Variants in WDR24 observed in about 807,000 individuals in gnomAD.
The protein encoded by WDR24 is GATOR2 complex protein WDR24.
Under a neutral mutation model 66.7 loss-of-function variants are expected in WDR24, and 32 were observed. The observed-to-expected ratio is 0.48, with a 90% CI of 0.36 to 0.64. The LOEUF (loss-of-function observed/expected upper bound fraction) is 0.64. WDR24 is among the 30% of genes least tolerant of loss of function. The pLI is 0.00. For synonymous variants in WDR24, 565 were observed against 469.1 expected (o/e 1.20, Z -2.64); for missense variants, 978 against 1,144.1 (o/e 0.85, Z 2.09).
rs902745791 is a variant in WDR24 at position 690,100 on chromosome 16, AAG to A, written c.-462_-461del. The A allele has an allele frequency of 5.9e-5, 27 of 459,576 alleles. No individual in the cohort carries two copies. Among genetic ancestry groups the A allele is most frequent in the African/African-American group, 4.0e-4 (20 of 50,338 alleles). The allele number at this position is 459,576 out of a possible 1,614,324, so 28.5% of individuals were successfully genotyped here. A position where few individuals can be genotyped will look rare whatever the true frequency, so the allele number is the denominator to read the frequency against. ...GCGGCGGGGCTCTAGGGAGGAACAA[AAG>A]AGGGGAGGGAACAGAGGGCTAGAGG... On this transcript the variant is annotated 5_prime_UTR_variant, in exon 1 of 9. Transcript: ENST00000293883.
Position 689,713 on chromosome 16 carries a change from A to C in WDR24, c.-73T>G. 6 of 1,557,354 alleles carry C rather than the reference A, an allele frequency of 3.9e-6. No individual in the cohort carries two copies. The highest frequency in any genetic ancestry group is 5.2e-6 in the Non-Finnish European group (6 of 1,153,274). On this transcript the variant is annotated 5_prime_UTR_variant, in exon 1 of 9. The change abolishes an upstream ATG in the 5' untranslated region. Coordinates refer to ENST00000293883, the MANE Select transcript of WDR24 (RefSeq NM_032259.4). ...CTGGCCTGGTCAGCCTGGGTGGGTC[A>C]TCAGTTCAGACCTTCCACCCAGGTT...
Position 689,758 on chromosome 16 carries a change from G to C in WDR24, c.-118C>G. 6.8e-7 allele frequency: 1 copy of C among 1,472,146 alleles called. No homozygotes were observed. Among genetic ancestry groups the C allele is most frequent in the Non-Finnish European group, 9.1e-7 (1 of 1,101,882 alleles). 91.2% of individuals were successfully genotyped at this position (1,472,146 alleles called of 1,614,324 possible). The stretch of plus-strand genomic sequence containing the variant: ...CAGGTTGGGACCCCAGAACTGCTTG[G>C]TCCCGGGCTGGTCAGTCTTAGTGAG... On this transcript the variant is annotated 5_prime_UTR_variant, in exon 1 of 9. Transcript: ENST00000293883.
chr16:686,022 G>A, intron 4 of WDR24, 32 bp from the exon 5 acceptor site: 3 of 1,612,700 alleles, frequency 1.9e-6, no homozygotes, highest in Non-Finnish European at 2.5e-6. Context: ...GGGTGGGTGG[G>A]CTCGAGCAGC....
rs763987449 is a variant in WDR24 at position 684,863 on chromosome 16, G to A, written c.2244C>T (p.His748=). The stretch of plus-strand genomic sequence containing the variant: ...ACCACACGAAGAGACCCTTGACTAC[G>A]TGGTGGCAGACGGCACACATGCTGG... The part of the protein sequence containing the change: ...RCASMCAVCH[H]VVKGLFVWCQ... Residue 748 remains histidine (H), a synonymous_variant, in exon 9 of 9, where the codon CAC becomes CAT. Transcript: ENST00000293883. 3.0e-5 allele frequency: 46 copies of A among 1,550,738 alleles called. No homozygotes were observed. Among genetic ancestry groups the A allele is most frequent in the Non-Finnish European group, 3.8e-5 (44 of 1,148,170 alleles).
Position 685,307 on chromosome 16 carries a change from GCA to G in WDR24, c.1967_1968del (p.Val656AlafsTer6). 1 of 1,602,346 alleles carries G rather than the reference GCA, an allele frequency of 6.2e-7. No individual in the cohort carries two copies. Among genetic ancestry groups the G allele is most frequent in the South Asian group, 1.1e-5 (1 of 90,978 alleles). On this transcript the variant is annotated frameshift_variant, in exon 7 of 9. Transcript: ENST00000293883. LOFTEE classifies it high-confidence loss of function. ...CGCACCCGTTCACCCAGGACGATGA[GCA>G]CAGACACAGCCATCTGCACGTCGCC... is the stretch of plus-strand genomic sequence containing the variant. ...EQGDVQMAVS[V>X]LIVLGERVRK...
Position 689,836 on chromosome 16 carries a change from A to C in WDR24, c.-196T>G, listed in dbSNP as rs942917324. ...CAGCCTGACAGGCAAGCTCAAATTC[A>C]CTGGAGTCTGTCAGTCCAGCCCATC... On this transcript the variant is annotated 5_prime_UTR_variant, in exon 1 of 9. An upstream open reading frame in the 5' UTR loses its in-frame stop. Coordinates refer to ENST00000293883, the MANE Select transcript of WDR24 (RefSeq NM_032259.4). The C allele has an allele frequency of 9.1e-6, 8 of 880,014 alleles. No homozygotes were observed. In the African/African-American group the frequency reaches 1.3e-4, roughly 15 times the overall value. 54.5% of individuals were successfully genotyped at this position (880,014 alleles called of 1,614,324 possible).
chr16:684,625 G>A lies in WDR24; in HGVS notation c.*109C>T, dbSNP rs1222007633. ...GGGGTGACACGCAGTGCCGACAGCG[G>A]CTCTACTTCCTTTATTGAGGTCTCA... On this transcript the variant is annotated 3_prime_UTR_variant, in exon 9 of 9. Transcript: ENST00000293883. 4 of 1,443,756 alleles carry A rather than the reference G, an allele frequency of 2.8e-6. No homozygotes were observed. The African/African-American group carries it at 4.3e-5, about 16-fold the overall frequency. 89.4% of individuals were successfully genotyped at this position (1,443,756 alleles called of 1,614,324 possible). A position where few individuals can be genotyped will look rare whatever the true frequency, so the allele number is the denominator to read the frequency against.
intron 8 of WDR24, 33 bp from the exon 9 acceptor site, chr16:684,935 G>C (rs1229459473): frequency 1.3e-6 from 2 of 1,536,078 alleles, no homozygotes; most frequent in East Asian, 4.9e-5. Context: ...GTGCCTCAGC[G>C]GGGGCTGCTG....
At chr16:688,210 C>G (rs2039931790) in intron 1 of WDR24, 2 of 395,890 alleles carry the variant, frequency 5.1e-6, no homozygotes, top group South Asian at 1.8e-5. Context: ...GGGCCCAGGT[C>G]CACCCTAGGG....
chr16:684,825 C>T lies in WDR24; in HGVS notation c.2282G>A (p.Ser761Asn). 2.6e-6 allele frequency: 4 copies of T among 1,568,044 alleles called. No individual in the cohort carries two copies. Among genetic ancestry groups the T allele is most frequent in the Non-Finnish European group, 2.6e-6 (3 of 1,158,036 alleles). ...KGLFVWCQGC[S>N]HGGHLQHIMK... ...GATGTGCTGCAGGTGGCCGCCGTGG[C>T]TGCAGCCCTGGCACCACACGAAGAG... The change falls in exon 9 of 9, where the codon AGC becomes AAC. Residue 761 changes from serine to asparagine, a missense_variant. Physicochemically the swap from Ser to Asn is conservative, Grantham distance 46 (BLOSUM62 1). This residue lies in a region of WDR24 where 676 missense variants were observed against 617.5 expected (regional missense o/e 1.09). Coordinates refer to ENST00000293883, the MANE Select transcript of WDR24 (RefSeq NM_032259.4).
Position 686,189 on chromosome 16 carries a change from A to AGG in WDR24, c.1333-5_1333-4dup, listed in dbSNP as rs1445896854. On this transcript the variant is annotated splice_polypyrimidine_tract_variant and splice_region_variant and intron_variant, in intron 3 of 8. Coordinates refer to ENST00000293883, the MANE Select transcript of WDR24 (RefSeq NM_032259.4). ...AGCATGGTCCACGTTTGCGCCACCT[A>AGG]GGGGCGGGCACTGGTCACTTGTGGG... 1 of 1,611,954 alleles carries AGG rather than the reference A, an allele frequency of 6.2e-7. No homozygotes were observed. Among genetic ancestry groups the AGG allele is most frequent in the Non-Finnish European group, 8.5e-7 (1 of 1,179,748 alleles).
In WDR24 at chr16:686,157, G is replaced by A. The variant is rs1596566032; in HGVS notation, c.1362C>T (p.Ile454=). ...QVAQTWTMLR[I]IYCSPGLVPT... is the part of the protein sequence containing the mutation. The stretch of plus-strand genomic sequence containing the variant: ...GCACTAGGCCAGGGCTGCAGTAGAT[G>A]ATCCGCAGCATGGTCCACGTTTGCG... The change falls in exon 4 of 9, where the codon ATC becomes ATT. Residue 454 remains isoleucine, a synonymous_variant. Coordinates refer to ENST00000293883, the MANE Select transcript of WDR24 (RefSeq NM_032259.4). The A allele has an allele frequency of 6.2e-7, 1 of 1,612,988 alleles. No homozygotes were observed. Among genetic ancestry groups the A allele is most frequent in the Non-Finnish European group, 8.5e-7 (1 of 1,179,952 alleles).
In WDR24 at chr16:684,732, C is replaced by A; in HGVS notation, c.*2G>T. 6.3e-7 allele frequency: 1 copy of A among 1,590,804 alleles called. No homozygotes were observed. Among genetic ancestry groups the A allele is most frequent in the South Asian group, 1.1e-5 (1 of 88,684 alleles). ...GCCCGGGCAAGCCCAGCAGATGCCC[C>A]GTCAGGAGTACTCGCAGAGGTGGCC... On this transcript the variant is annotated 3_prime_UTR_variant, in exon 9 of 9. Coordinates refer to ENST00000293883, the MANE Select transcript of WDR24 (RefSeq NM_032259.4).
At position 685,303 on chromosome 16, in the gene WDR24, A is replaced by C; in HGVS notation, c.1973T>G (p.Ile658Ser). ...GDVQMAVSVL[I>S]VLGERVRKDI... is the part of the protein sequence containing the mutation. ...CTTGCGCACCCGTTCACCCAGGACG[A>C]TGAGCACAGACACAGCCATCTGCAC... is the stretch of plus-strand genomic sequence containing the variant. Residue 658 changes from isoleucine (I) to serine (S), a missense_variant, in exon 7 of 9, where the codon ATC becomes AGC. This residue lies in a region of WDR24 where 676 missense variants were observed against 617.5 expected (regional missense o/e 1.09). Coordinates refer to ENST00000293883, the MANE Select transcript of WDR24 (RefSeq NM_032259.4). 2 of 1,600,436 alleles carry C rather than the reference A, an allele frequency of 1.2e-6. No individual in the cohort carries two copies. Among genetic ancestry groups the C allele is most frequent in the Non-Finnish European group, 1.7e-6 (2 of 1,174,042 alleles).
rs1310597626 is a variant in WDR24, at chr16:685,112, T to C, written c.2084A>G (p.Glu695Gly). ...GCGGCTGGTGCTCAGCTTGACCACC[T>C]CGTTGGACACGTTCCAGAGGCGGAA... ...QRFRLWNVSN[E>G]VVKLSTSRAV... Residue 695 changes from glutamate (E) to glycine (G), a missense_variant, in exon 8 of 9, where the codon GAG (glutamate) becomes GGG (glycine). By Grantham distance (98) the Glu-to-Gly change is moderately conservative (BLOSUM62 -2). Coordinates refer to ENST00000293883, the MANE Select transcript of WDR24 (RefSeq NM_032259.4). 6.4e-7 allele frequency: 1 copy of C among 1,557,604 alleles called. No homozygotes were observed. Among genetic ancestry groups the C allele is most frequent in the East Asian group, 2.4e-5 (1 of 41,382 alleles).
At position 686,175 on chromosome 16, in the gene WDR24, C is replaced by A. The variant is rs763837298; in HGVS notation, c.1344G>T (p.Thr448=). 1 of 1,612,772 alleles carries A rather than the reference C, an allele frequency of 6.2e-7. No individual in the cohort carries two copies. Among genetic ancestry groups the A allele is most frequent in the African/African-American group, 1.3e-5 (1 of 75,040 alleles). The change falls in exon 4 of 9, where the codon ACG becomes ACT. Residue 448 remains threonine, a synonymous_variant. Coordinates refer to ENST00000293883, the MANE Select transcript of WDR24 (RefSeq NM_032259.4). ...RELGRNQVAQ[T]WTMLRIIYCS... ...AGTAGATGATCCGCAGCATGGTCCA[C>A]GTTTGCGCCACCTAGGGGCGGGCAC...
intron 1 of WDR24, among the ~76,000 whole-genome samples, chr16:688,533 CG>C (rs2039934646): frequency 6.6e-6 from 1 of 152,236 alleles, no homozygotes; most frequent in Non-Finnish European, 1.5e-5. Context: ...ACCTCGTGAT[CG>C]GCCTGCCTCG....
Position 685,670 on chromosome 16 carries a change from C to A in WDR24, c.1678+9G>T, listed in dbSNP as rs749295317. The A allele has an allele frequency of 6.2e-6, 10 of 1,612,866 alleles. No homozygotes were observed. The highest frequency in any genetic ancestry group is 8.5e-6 in the Non-Finnish European group (10 of 1,180,002). On this transcript the variant is annotated intron_variant, in intron 6 of 8. Coordinates refer to ENST00000293883, the MANE Select transcript of WDR24 (RefSeq NM_032259.4). Reference sequence around the variant, plus strand: ...CTCTGAACCCCACCCTGCCCGGACCCCCACTCACGGTGCGCGTGTTCCGGA... The same window carrying A: ...CTCTGAACCCCACCCTGCCCGGACCACCACTCACGGTGCGCGTGTTCCGGA...
rs972634773 is a variant in WDR24, at chr16:687,487, C to T, written c.660-71G>A. 3.2e-6 allele frequency: 5 copies of T among 1,585,118 alleles called. No individual in the cohort carries two copies. In the African/African-American group the frequency reaches 5.4e-5, roughly 17 times the overall value. On this transcript the variant is annotated intron_variant, in intron 2 of 8. Coordinates refer to ENST00000293883, the MANE Select transcript of WDR24 (RefSeq NM_032259.4). ...GAGAGGGGACCCCCCCGCTCTGCTG[C>T]TCCGGACTGTCTCATGGATCTGAGG...
Sources: gnomAD v4.1 joint callset for allele counts (sites outside exome capture counted in the v4.1 genomes callset) on GRCh38, gnomAD v4.1.1 for gene constraint, gnomAD v4.1.1 regional missense constraint, MANE v1.5 for transcripts, NCBI Gene and HGNC (gene_info 2026-07-23, HGNC 2026-07-21) for gene names.